Variants in TTC7B observed in about 807,000 individuals in gnomAD.
TTC7B encodes the protein tetratricopeptide repeat protein 7B.
In TTC7B, 28 loss-of-function variants were observed where a neutral mutation model predicts 106.8. The observed-to-expected ratio is 0.26, with a 90% CI of 0.19 to 0.36. The LOEUF is 0.36. Among genes scored for constraint, TTC7B ranks in the 10% least tolerant of loss-of-function variants. The probability of loss-of-function intolerance (pLI) is 1.00; values close to 1 mark genes in which losing one functional copy is unlikely to be tolerated. For missense variants in TTC7B, 862 were observed against 1,076.4 expected (o/e 0.80, Z 2.79); for synonymous variants, 405 against 430.6 (o/e 0.94, Z 0.74).
intron 19 of TTC7B, among the ~76,000 whole-genome samples, chr14:90,572,529 A>T (rs1009357337): frequency 6.6e-6 from 1 of 152,236 alleles, no homozygotes; most frequent in African/African-American, 2.4e-5. Context: ...GTCCCTTGAA[A>T]TAGAACGGCA....
intron 11 of TTC7B, 58 bp from the exon 12 acceptor site, chr14:90,655,168 C>A (rs912291366): frequency 7.5e-7 from 1 of 1,329,868 alleles, no homozygotes; most frequent in South Asian, 1.2e-5. Context: ...AACATGAGTT[C>A]CCATAAGCGT....
intron 18 of TTC7B, among the ~76,000 whole-genome samples, chr14:90,580,499 C>T (rs911457195): frequency 6.6e-6 from 1 of 152,216 alleles, no homozygotes; most frequent in African/African-American, 2.4e-5. Context: ...AGAACAGCAT[C>T]TCCTCTGGCC....
chr14:90,799,525 A>G (rs1456784104), intron 1 of TTC7B, among the ~76,000 whole-genome samples: 1 of 152,112 alleles, frequency 6.6e-6, no homozygotes, highest in Non-Finnish European at 1.5e-5. Context: ...TCAGGGAAAG[A>G]CTCAAGGGCA....
At chr14:90,789,153 G>A (rs891879550) in intron 1 of TTC7B, among the ~76,000 whole-genome samples, 3 of 152,138 alleles carry the variant, frequency 2.0e-5, no homozygotes, top group African/African-American at 7.2e-5. Context: ...CCAGGCTGGA[G>A]TGCAATGGCA....
chr14:90,767,694 G>A (rs1890735629), intron 3 of TTC7B, among the ~76,000 whole-genome samples: 1 of 152,012 alleles, frequency 6.6e-6, no homozygotes. Context: ...TATGACAGCA[G>A]CACAAAAATA....
chr14:90,586,626 C>G (rs550182867), intron 18 of TTC7B, among the ~76,000 whole-genome samples: 3 of 152,332 alleles, frequency 2.0e-5, no homozygotes, highest in Admixed American at 2.0e-4. Context: ...TTTCACTTCT[C>G]CACCTACATT....
intron 6 of TTC7B, 54 bp downstream of exon 6, chr14:90,695,446 T>A: frequency 9.6e-7 from 1 of 1,046,418 alleles, no homozygotes; most frequent in Non-Finnish European, 1.4e-6. Flanking sequence ...TGAATGTAAA[T>A]ACCTATGAGA....
At chr14:90,646,796 C>T (rs1475157353) in intron 14 of TTC7B, 155 bp downstream of exon 14, 2 of 692,542 alleles carry the variant, frequency 2.9e-6, no homozygotes, top group Middle Eastern at 3.4e-4. Flanking sequence ...ACCAAAACAC[C>T]AGGCTCTTTG....
In TTC7B at chr14:90,655,029, C is replaced by T. The variant is rs774699444; in HGVS notation, c.1423G>A (p.Ala475Thr). The T allele has an allele frequency of 8.7e-6, 14 of 1,614,210 alleles. No homozygotes were observed. In the South Asian group the frequency reaches 1.5e-4, roughly 18 times the overall value. Residue 475 changes from alanine to threonine, a missense_variant, in exon 12 of 20, where the codon GCT becomes ACT. By Grantham distance (58) the Ala-to-Thr change is moderately conservative. Transcript: ENST00000328459. ...TSEFKAKGYL[A>T]LGLTYSLQAT... The stretch of plus-strand genomic sequence containing the variant: ...TGCAGACTGTACGTGAGCCCCAGAG[C>T]TAAGTAGCCTTTGGCCTTGAACTCT...
rs968519001 is a variant in TTC7B at position 90,692,209 on chromosome 14, T to G, written c.778-2497A>C. Among the ~76,000 whole-genome samples the G allele has an allele frequency of 6.6e-5, 10 of 152,166 alleles. No individual in the cohort carries two copies. The South Asian group carries it at 8.3e-4, about 13-fold the overall frequency. On this transcript the variant is annotated intron_variant, in intron 6 of 19. Coordinates refer to ENST00000328459, the MANE Select transcript of TTC7B (RefSeq NM_001010854.2). ...CAAGTTTTTGTTTGAACATCTGTGG[T>G]TTTTTTTGTTTGTTTTGAAACAGGG...
chr14:90,611,182 T>C (rs1183540335), intron 16 of TTC7B, among the ~76,000 whole-genome samples: 1 of 152,118 alleles, frequency 6.6e-6, no homozygotes, highest in Non-Finnish European at 1.5e-5. Context: ...CCTTAGAAAG[T>C]GAAGTCTTAG....
chr14:90,679,425 G>C (rs1886963344), intron 8 of TTC7B, among the ~76,000 whole-genome samples: 1 of 152,184 alleles, frequency 6.6e-6, no homozygotes, highest in African/African-American at 2.4e-5. Flanking sequence ...AACAGTATGT[G>C]TGGGGAGGGC....
At chr14:90,633,512 T>C (rs1281917333) in intron 15 of TTC7B, among the ~76,000 whole-genome samples, 1 of 152,188 alleles carries the variant, frequency 6.6e-6, no homozygotes, top group Non-Finnish European at 1.5e-5. Flanking sequence ...CTATCTAATA[T>C]ATATTCCAAA....
At chr14:90,656,179 C>G (rs917143492) in intron 11 of TTC7B, among the ~76,000 whole-genome samples, 1 of 152,206 alleles carries the variant, frequency 6.6e-6, no homozygotes, top group African/African-American at 2.4e-5. Context: ...AAGTGGAACA[C>G]TCTTCACTAG....
chr14:90,790,717 C>T (rs1251536959), intron 1 of TTC7B, among the ~76,000 whole-genome samples: 2 of 152,074 alleles, frequency 1.3e-5, no homozygotes. Flanking sequence ...CCTATTCTAG[C>T]TGTGGGGGCA....
rs1326524319 is a variant in TTC7B, at chr14:90,663,101, C to T, written c.1153-4714G>A. Among the ~76,000 whole-genome samples the T allele has an allele frequency of 6.6e-6, 1 of 152,204 alleles. No homozygotes were observed. Among genetic ancestry groups the T allele is most frequent in the Non-Finnish European group, 1.5e-5 (1 of 68,042 alleles). ...CTGTAGCCAGGCACTATTTTAATTA[C>T]TTTACAAGCATCGCCTCATCGGGTG... On this transcript the variant is annotated intron_variant, in intron 9 of 19. Transcript: ENST00000328459. The surrounding 1 kb of genome is among the most constrained non-coding windows in gnomAD (Gnocchi z 4.5).
At chr14:90,715,318 C>T (rs1888611660) in intron 5 of TTC7B, among the ~76,000 whole-genome samples, 1 of 152,138 alleles carries the variant, frequency 6.6e-6, no homozygotes, top group African/African-American at 2.4e-5. Flanking sequence ...GGTCTGCTCT[C>T]TAGTCGCTGT....
In TTC7B at chr14:90,743,942, C is replaced by T. The variant is rs567705610; in HGVS notation, c.576+850G>A. Among the ~76,000 whole-genome samples, 22 of 152,360 alleles carry T rather than the reference C, an allele frequency of 1.4e-4. No homozygotes were observed. In the East Asian group the frequency reaches 2.7e-3, roughly 19 times the overall value. ...GCGAGCTTAGAACCCCGAGCTCACTCGTTCTCTGCTCAGAGGCCCTCTTGT... is the reference window on the plus strand; with the variant it reads ...GCGAGCTTAGAACCCCGAGCTCACTTGTTCTCTGCTCAGAGGCCCTCTTGT... On this transcript the variant is annotated intron_variant, in intron 4 of 19. Transcript: ENST00000328459.
chr14:90,541,367 C>T lies in TTC7B; in HGVS notation c.*1G>A, dbSNP rs1595140996. The T allele has an allele frequency of 4.4e-6, 7 of 1,590,640 alleles. No individual in the cohort carries two copies. In the East Asian group the frequency reaches 1.4e-4, roughly 31 times the overall value. ...GGCAGGTGAGGCTGGCAGGCGCCTG[C>T]TCAGAGCACGCGGGGGATGATGGTG... On this transcript the variant is annotated 3_prime_UTR_variant, in exon 20 of 20. Coordinates refer to ENST00000328459, the MANE Select transcript of TTC7B (RefSeq NM_001010854.2).
Sources: gnomAD v4.1 joint callset for allele counts (sites outside exome capture counted in the v4.1 genomes callset) on GRCh38, gnomAD v4.1.1 for gene constraint, Gnocchi (gnomAD v3.1) non-coding constraint, MANE v1.5 for transcripts, NCBI Gene and HGNC (gene_info 2026-07-23, HGNC 2026-07-21) for gene names.